Variants in LDLRAD4 observed in about 807,000 individuals in gnomAD.
The protein encoded by LDLRAD4 is low density lipoprotein receptor class A domain containing 4, also known as low-density lipoprotein receptor class A domain-containing protein 4.
LDLRAD4 carries 5 observed loss-of-function variants against 17.0 expected under a neutral mutation model. The ratio of observed to expected loss-of-function variants is 0.29; its 90% CI spans 0.15 to 0.62. LDLRAD4 has a LOEUF of 0.62. Among genes scored for constraint, LDLRAD4 ranks in the 20% least tolerant of loss-of-function variants. LDLRAD4 has a pLI of 0.84. For missense variants in LDLRAD4, 340 were observed against 424.7 expected (o/e 0.80, Z 1.75); for synonymous variants, 168 against 171.8 (o/e 0.98, Z 0.17).
At chr18:13,471,111 A>C (rs2092760270) in intron 3 of LDLRAD4, 1 of 152,160 alleles carries the variant, frequency 6.6e-6, no homozygotes, top group African/African-American at 2.4e-5. Context: ...GCAGCACTCA[A>C]AGTGTTATGA....
chr18:13,280,344 A>G (rs978625585), intron 1 of LDLRAD4, among the ~76,000 whole-genome samples: 5 of 152,192 alleles, frequency 3.3e-5, no homozygotes, highest in Admixed American at 3.3e-4. Flanking sequence ...TTTAAATGGG[A>G]TAATATTTAT....
chr18:13,317,076 G>T (rs1473895142), intron 1 of LDLRAD4, among the ~76,000 whole-genome samples: 1 of 152,136 alleles, frequency 6.6e-6, no homozygotes, highest in Non-Finnish European at 1.5e-5. Flanking sequence ...GAGGGAGAAG[G>T]ATGCCCGGTG....
At chr18:13,417,079 A>C (rs1202480604) in intron 2 of LDLRAD4, among the ~76,000 whole-genome samples, 1 of 152,188 alleles carries the variant, frequency 6.6e-6, no homozygotes, top group Non-Finnish European at 1.5e-5. Flanking sequence ...ATCCACTCTT[A>C]ATCACCTGTG....
At chr18:13,233,900 GC>G (rs1269086892) in intron 1 of LDLRAD4, among the ~76,000 whole-genome samples, 2 of 151,798 alleles carry the variant, frequency 1.3e-5, no homozygotes, top group Non-Finnish European at 2.9e-5. Flanking sequence ...CTGCCCCTCA[GC>G]CCCCCAGCCC....
chr18:13,569,241 G>T (rs1364489050), intron 3 of LDLRAD4, among the ~76,000 whole-genome samples: 1 of 152,014 alleles, frequency 6.6e-6, no homozygotes, highest in African/African-American at 2.4e-5. Context: ...TCTTTCCCAC[G>T]CTTGGGCCTC....
rs140821706 is a variant in LDLRAD4 at position 13,303,884 on chromosome 18, A to T, written c.-383+25696A>T. ...AAGGAGATCCTAGCTGCTCCATAAG[A>T]TGTGATGAAAAGAAGGAATGAGCTT... is the stretch of plus-strand genomic sequence containing the variant. On this transcript the variant is annotated intron_variant, in intron 1 of 5. Coordinates refer to ENST00000359446, the Ensembl canonical transcript of LDLRAD4. Among the ~76,000 whole-genome samples the T allele has an allele frequency of 4.6e-5, 7 of 152,288 alleles. No individual in the cohort carries two copies. In the East Asian group the frequency reaches 1.4e-3, roughly 29 times the overall value.
chr18:13,502,514 G>C (rs576334774), intron 3 of LDLRAD4, among the ~76,000 whole-genome samples: 1 of 152,338 alleles, frequency 6.6e-6, no homozygotes, highest in African/African-American at 2.4e-5. Context: ...TGCTGAGCTC[G>C]TAAGTGTACA....
chr18:13,238,400 A>G (rs1165130662), intron 1 of LDLRAD4, among the ~76,000 whole-genome samples: 2 of 152,232 alleles, frequency 1.3e-5, no homozygotes, highest in African/African-American at 4.8e-5. Context: ...GTGCCACGCA[A>G]TATTTTATGA....
At chr18:13,633,416 T>TCTGCCTCCTGCTGCCATCAGTCATGTA (rs1568434012) in intron 4 of LDLRAD4, among the ~76,000 whole-genome samples, 1 of 152,208 alleles carries the variant, frequency 6.6e-6, no homozygotes, top group East Asian at 1.9e-4. Flanking sequence ...CAGGAGCCTG[T>TCTGCCTCCTGCTGCCATCAGTCATGTA]CTGCCTCCTG....
chr18:13,644,363 T>A (rs2042873522), intron 5 of LDLRAD4, among the ~76,000 whole-genome samples: 1 of 136,076 alleles, frequency 7.3e-6, no homozygotes, highest in Admixed American at 8.0e-5. Context: ...GCTCAGGAGT[T>A]CAAGACAAGC....
intron 3 of LDLRAD4, chr18:13,611,431 C>A: frequency 1.0e-6 from 1 of 984,828 alleles, no homozygotes; most frequent in Non-Finnish European, 1.2e-6. Context: ...CTGAAAACTG[C>A]GACAGACTCG....
rs373625769 is a variant in LDLRAD4, at chr18:13,462,901, C to T, written c.181+24517C>T. ...TCGGTGAGGATAGTATACTCTCACGCGGAGATGTTCCTGGAAGCCTCACAC... is the reference window on the plus strand; with the variant it reads ...TCGGTGAGGATAGTATACTCTCACGTGGAGATGTTCCTGGAAGCCTCACAC... On this transcript the variant is annotated intron_variant, in intron 3 of 5. Coordinates refer to ENST00000359446, the Ensembl canonical transcript of LDLRAD4. 2.5e-3 allele frequency among the ~76,000 whole-genome samples: 386 copies of T among 152,236 alleles called. 3 individuals are homozygous for T. The South Asian group carries it at 0.028, about 11-fold the overall frequency.
intron 1 of LDLRAD4, among the ~76,000 whole-genome samples, chr18:13,296,053 C>T (rs1348548823): frequency 3.3e-5 from 5 of 152,260 alleles, no homozygotes; most frequent in Admixed American, 6.5e-5. Context: ...GCAGAACCAG[C>T]GCTCTTGCCT....
intron 3 of LDLRAD4, among the ~76,000 whole-genome samples, chr18:13,503,057 C>G (rs1454118453): frequency 6.6e-6 from 1 of 152,200 alleles, no homozygotes. Context: ...CATGGAATTC[C>G]AAGTTTCGAC....
intron 3 of LDLRAD4, among the ~76,000 whole-genome samples, chr18:13,502,424 A>G (rs1295248977): frequency 6.6e-6 from 1 of 152,220 alleles, no homozygotes; most frequent in Non-Finnish European, 1.5e-5. Flanking sequence ...CTGAATACCA[A>G]ATATTGGTAT....
chr18:13,646,406 T>TA (rs573373531), exon 6 of LDLRAD4: 7 of 152,564 alleles, frequency 4.6e-5, no homozygotes, highest in African/African-American at 1.7e-4. Context: ...TTTACCAACT[T>TA]ACGTAAATCA....
At chr18:13,485,843 C>T (rs2093209784) in intron 3 of LDLRAD4, among the ~76,000 whole-genome samples, 1 of 152,226 alleles carries the variant, frequency 6.6e-6, no homozygotes, top group African/African-American at 2.4e-5. Context: ...CACGCCACCA[C>T]ACTCCAGCCT....
At chr18:13,623,138 A>G (rs1238124139) in intron 4 of LDLRAD4, among the ~76,000 whole-genome samples, 1 of 152,210 alleles carries the variant, frequency 6.6e-6, no homozygotes, top group African/African-American at 2.4e-5. Context: ...CAGAAAAGCA[A>G]AAAGTGTCAA....
intron 3 of LDLRAD4, among the ~76,000 whole-genome samples, chr18:13,587,891 G>A (rs1052351103): frequency 4.6e-5 from 7 of 152,224 alleles, no homozygotes; most frequent in Non-Finnish European, 7.3e-5. Flanking sequence ...ATAAGTTTAT[G>A]TAGTAATAGC....
Sources: allele counts gnomAD v4.1 joint callset (sites outside exome capture counted in the v4.1 genomes callset), GRCh38; gene constraint gnomAD v4.1.1; transcripts MANE v1.5; gene names NCBI Gene and HGNC (gene_info 2026-07-23, HGNC 2026-07-21).